TMEM260: variants seen among roughly 807,000 people sequenced by gnomAD.
TMEM260 encodes protein O-mannosyl-transferase TMEM260.
Under a neutral mutation model 88.9 loss-of-function variants are expected in TMEM260, and 82 were observed. The observed-to-expected ratio is 0.92, with a 90% CI of 0.77 to 1.11. The LOEUF (loss-of-function observed/expected upper bound fraction) is 1.11. Among genes scored for constraint, TMEM260 ranks in the 50% least tolerant of loss-of-function variants. TMEM260 has a pLI of 0.00. For synonymous variants in TMEM260, 314 were observed against 309.3 expected (o/e 1.02, Z -0.16); for missense variants, 902 against 853.4 (o/e 1.06, Z -0.71).
chr14:56,593,995 C>G (rs1886051694), intron 3 of TMEM260, among the ~76,000 whole-genome samples: 1 of 152,050 alleles, frequency 6.6e-6, no homozygotes, highest in Non-Finnish European at 1.5e-5. Context: ...CCGTGAGTGT[C>G]TTTTATAATA....
chr14:56,625,657 A>T, intron 12 of TMEM260, 127 bp downstream of exon 12: 4 of 659,420 alleles, frequency 6.1e-6, no homozygotes, highest in Non-Finnish European at 9.9e-6. Context: ...TGGTGAGATT[A>T]TCTTTGTAAT....
At chr14:56,634,842 CAAAAAA>C in intron 13 of TMEM260, 51 bp from the exon 14 acceptor site, 1 of 1,334,794 alleles carries the variant, frequency 7.5e-7, no homozygotes, top group Non-Finnish European at 1.0e-6. Context: ...AATTCTGTCT[CAAAAAA>C]AAAAAAAAAG....
At chr14:56,606,767 C>T (rs556052742) in intron 5 of TMEM260, among the ~76,000 whole-genome samples, 1 of 152,188 alleles carries the variant, frequency 6.6e-6, no homozygotes, top group East Asian at 1.9e-4. Context: ...TGGCAGTGTG[C>T]GCCTGTAGTC....
chr14:56,603,630 C>T lies in TMEM260; in HGVS notation c.345-185C>T, dbSNP rs564861406. 2.0e-5 allele frequency among the ~76,000 whole-genome samples: 3 copies of T among 152,276 alleles called. No homozygotes were observed. The East Asian group carries it at 5.8e-4, about 29-fold the overall frequency. ...GTTTATTTGTTCATTAATAGGTTAA[C>T]ATATGAACTTCCTAATTAAAATCTG... On this transcript the variant is annotated intron_variant, in intron 3 of 15. Transcript: ENST00000261556.
chr14:56,589,627 T>C (rs1229317861), intron 3 of TMEM260, among the ~76,000 whole-genome samples: 1 of 152,128 alleles, frequency 6.6e-6, no homozygotes, highest in Non-Finnish European at 1.5e-5. Flanking sequence ...ATATTAAAGG[T>C]ATATTGAAAC....
chr14:56,585,700 G>T (rs1172201569), intron 2 of TMEM260, 61 bp from the exon 3 acceptor site: 5 of 1,520,280 alleles, frequency 3.3e-6, no homozygotes, highest in Non-Finnish European at 4.5e-6. Flanking sequence ...TTCAATTAAG[G>T]CCTGTGGGAC....
rs1189327276 is a variant in TMEM260 at position 56,643,679 on chromosome 14, GA to G, written c.1870-3561del. Reference sequence around the variant, plus strand: ...GGCCAGGGCAGTCAGGCAGGAGAAGGAAATAAAGGGCATTCGATTAGGAAAA... The same window carrying G: ...GGCCAGGGCAGTCAGGCAGGAGAAGGAATAAAGGGCATTCGATTAGGAAAA... On this transcript the variant is annotated intron_variant, in intron 15 of 15. Coordinates refer to ENST00000261556, the MANE Select transcript of TMEM260 (RefSeq NM_017799.4). Among the ~76,000 whole-genome samples, 4 of 152,146 alleles carry G rather than the reference GA, an allele frequency of 2.6e-5. No homozygotes were observed. The East Asian group carries it at 7.7e-4, about 29-fold the overall frequency.
the TMEM260 span, among the ~76,000 whole-genome samples, chr14:56,661,405 G>T: frequency 6.6e-6 from 1 of 152,130 alleles, no homozygotes; most frequent in African/African-American, 2.4e-5. Context: ...TTTTCACTCT[G>T]TGCCCTTGTT....
At chr14:56,593,712 G>T (rs1208333777) in intron 3 of TMEM260, among the ~76,000 whole-genome samples, 2 of 101,654 alleles carry the variant, frequency 2.0e-5, no homozygotes, top group South Asian at 3.9e-4. Context: ...TTTTGAGACT[G>T]AGTCTCGGTC....
At chr14:56,601,765 A>T (rs1196286503) in intron 3 of TMEM260, among the ~76,000 whole-genome samples, 3 of 152,128 alleles carry the variant, frequency 2.0e-5, no homozygotes, top group African/African-American at 4.8e-5. Context: ...AGCTGTTACT[A>T]TAATTATTTT....
At chr14:56,632,417 A>G (rs566604942) in intron 12 of TMEM260, among the ~76,000 whole-genome samples, 5 of 152,242 alleles carry the variant, frequency 3.3e-5, no homozygotes, top group Admixed American at 1.3e-4. Context: ...CACCACTACT[A>G]TCACTATGCT....
downstream of TMEM260, among the ~76,000 whole-genome samples, chr14:56,653,745 A>AAAAAAAAAAAAC (rs1555343563): frequency 5.1e-5 from 7 of 137,364 alleles, no homozygotes; most frequent in East Asian, 2.2e-4. Flanking sequence ...CCAAAACAAA[A>AAAAAAAAAAAAC]AAAAAAAAAA....
At chr14:56,603,778 G>A in intron 3 of TMEM260, 37 bp from the exon 4 acceptor site, 2 of 1,611,488 alleles carry the variant, frequency 1.2e-6, no homozygotes, top group Non-Finnish European at 1.7e-6. Context: ...AGTTCTTTTT[G>A]TTGGAAAAGA....
At chr14:56,614,998 C>A (rs1217133662) in intron 7 of TMEM260, among the ~76,000 whole-genome samples, 1 of 152,182 alleles carries the variant, frequency 6.6e-6, no homozygotes. Flanking sequence ...CAGTGACCAT[C>A]TTTTAGCGCT....
chr14:56,610,229 A>T (rs1887169231), intron 6 of TMEM260, among the ~76,000 whole-genome samples: 2 of 148,932 alleles, frequency 1.3e-5, no homozygotes, highest in Admixed American at 1.3e-4. Flanking sequence ...AAAAAAAAGA[A>T]TTTTTTTTTT....
intron 3 of TMEM260, among the ~76,000 whole-genome samples, chr14:56,586,635 G>A (rs17091752): frequency 0.019 from 2,870 of 152,136 alleles, 86 homozygotes; most frequent in African/African-American, 0.065. Flanking sequence ...TTCTGCAAAA[G>A]GAAAAACCAA....
At chr14:56,597,279 A>G (rs553392270) in intron 3 of TMEM260, among the ~76,000 whole-genome samples, 3 of 152,312 alleles carry the variant, frequency 2.0e-5, no homozygotes, top group African/African-American at 7.2e-5. Flanking sequence ...AGCATATTGG[A>G]TTTCAGATTT....
At chr14:56,598,246 AAC>A (rs1421159663) in intron 3 of TMEM260, among the ~76,000 whole-genome samples, 1 of 152,208 alleles carries the variant, frequency 6.6e-6, no homozygotes, top group Non-Finnish European at 1.5e-5. Context: ...TCAGAAAAAA[AAC>A]ACAGAAGGAA....
chr14:56,627,531 CT>C (rs1345175580), intron 12 of TMEM260, among the ~76,000 whole-genome samples: 3 of 152,014 alleles, frequency 2.0e-5, no homozygotes, highest in Non-Finnish European at 4.4e-5. Context: ...CCTACAACAA[CT>C]GCTTTTGTAT....
Sources: allele counts gnomAD v4.1 joint callset (sites outside exome capture counted in the v4.1 genomes callset), GRCh38; gene constraint gnomAD v4.1.1; transcripts MANE v1.5; gene names NCBI Gene and HGNC (gene_info 2026-07-23, HGNC 2026-07-21).